The following SCUBE3 variants were observed in gnomAD, a reference collection of about 807,000 sequenced individuals.
SCUBE3 encodes signal peptide, CUB and EGF-like domain-containing protein 3.
Under a neutral mutation model 116.8 loss-of-function variants are expected in SCUBE3, and 33 were observed. The ratio of observed to expected loss-of-function variants is 0.28; its 90% CI spans 0.21 to 0.38. SCUBE3 has a LOEUF of 0.38. Among genes scored for constraint, SCUBE3 ranks in the 10% least tolerant of loss-of-function variants. The probability of loss-of-function intolerance (pLI) is 1.00; values close to 1 mark genes in which losing one functional copy is unlikely to be tolerated. For missense variants in SCUBE3, 1,007 were observed against 1,324.8 expected (o/e 0.76, Z 3.72); for synonymous variants, 418 against 496.9 (o/e 0.84, Z 2.11).
rs960214535 is a variant in SCUBE3, at chr6:35,243,853, C to T, written c.2071+98C>T. 2.7e-5 allele frequency: 41 copies of T among 1,534,704 alleles called. No homozygotes were observed. In the African/African-American group the frequency reaches 4.8e-4, roughly 18 times the overall value. On this transcript the variant is annotated intron_variant, in intron 16 of 21. Coordinates refer to ENST00000274938, the MANE Select transcript of SCUBE3 (RefSeq NM_152753.4). This position sits in a 1 kb window ranked among gnomAD's most constrained non-coding sequence, Gnocchi z 6.6. ...AAGGGCAGGCCCAGGCTCCAGGCCA[C>T]TCTCTTAGTCAACATCCTGTTTGTA...
intron 1 of SCUBE3, chr6:35,221,533 C>CT (rs1783117643): frequency 6.6e-6 from 1 of 152,228 alleles, no homozygotes; most frequent in Admixed American, 6.5e-5. Flanking sequence ...ATCCACTCGT[C>CT]TATCTGTTTA....
chr6:35,236,574 G>T (rs1014655451), intron 6 of SCUBE3, among the ~76,000 whole-genome samples: 4 of 152,194 alleles, frequency 2.6e-5, no homozygotes, highest in African/African-American at 9.7e-5. Context: ...CCCACTCCAG[G>T]TTGGGCTGTT....
Position 35,245,245 on chromosome 6 carries a change from G to T in SCUBE3, c.2419G>T (p.Glu807Ter). ...AQCKNRQCGG[E>*]LGEFTGYIES... ...GGCTGCAGATCGTCAGTGTGGTGGGGAGCTGGGTGAGTTCACTGGCTATAT... is the reference window on the plus strand; with the variant it reads ...GGCTGCAGATCGTCAGTGTGGTGGGTAGCTGGGTGAGTTCACTGGCTATAT... Residue 807 changes from glutamate to a stop codon, truncating the protein, a stop_gained, in exon 19 of 22, where the codon GAG becomes TAG. Coordinates refer to ENST00000274938, the MANE Select transcript of SCUBE3 (RefSeq NM_152753.4). LOFTEE classifies it high-confidence loss of function. This position sits in a 1 kb window ranked among gnomAD's most constrained non-coding sequence, Gnocchi z 4.2. 6.2e-7 allele frequency: 1 copy of T among 1,614,136 alleles called. No individual in the cohort carries two copies. The highest frequency in any genetic ancestry group is 1.1e-5 in the South Asian group (1 of 91,074).
At position 35,228,369 on chromosome 6, in the gene SCUBE3, T is replaced by G. The variant is rs187819097; in HGVS notation, c.209-245T>G. Reference sequence around the variant, plus strand: ...GATGGTAAAATAAATTAAAGAAATCTAAATCTCTAACAATAGAGAAAAAAA... The same window carrying G: ...GATGGTAAAATAAATTAAAGAAATCGAAATCTCTAACAATAGAGAAAAAAA... On this transcript the variant is annotated intron_variant, in intron 2 of 21. Transcript: ENST00000274938. The surrounding 1 kb of genome is among the most constrained non-coding windows in gnomAD (Gnocchi z 4.9). 2.0e-3 allele frequency among the ~76,000 whole-genome samples: 300 copies of G among 152,332 alleles called. No individual in the cohort carries two copies. The highest frequency in any genetic ancestry group is 6.9e-3 in the African/African-American group (285 of 41,558).
intron 21 of SCUBE3, among the ~76,000 whole-genome samples, chr6:35,247,170 C>A (rs1784374193): frequency 6.6e-6 from 1 of 152,002 alleles, no homozygotes; most frequent in African/African-American, 2.4e-5. Flanking sequence ...CATGGTGGAT[C>A]ATGCCTGTAA....
Position 35,214,304 on chromosome 6 carries a change from G to T in SCUBE3, c.-115G>T. 5 of 501,462 alleles carry T rather than the reference G, an allele frequency of 1.0e-5. No homozygotes were observed. The highest frequency in any genetic ancestry group is 1.5e-5 in the Non-Finnish European group (5 of 323,520). The allele number at this position is 501,462 out of a possible 1,614,324, so 31.1% of individuals were successfully genotyped here. A position where few individuals can be genotyped will look rare whatever the true frequency, so the allele number is the denominator to read the frequency against. On this transcript the variant is annotated 5_prime_UTR_variant, in exon 1 of 22. Transcript: ENST00000274938. The surrounding 1 kb of genome is among the most constrained non-coding windows in gnomAD (Gnocchi z 6.3). ...CCCCGCGACTGCAGCCCCCGGCCTG[G>T]CCCCGGCGGGGCGCCCCCTCCCCTC...
At chr6:35,247,322 C>T (rs1385922538) in intron 21 of SCUBE3, among the ~76,000 whole-genome samples, 2 of 151,588 alleles carry the variant, frequency 1.3e-5, no homozygotes, top group Non-Finnish European at 2.9e-5. Context: ...CCTGCAATCC[C>T]AGCTACTCGG....
Position 35,248,614 on chromosome 6 carries a change from A to C in SCUBE3, c.2891A>C (p.Lys964Thr), listed in dbSNP as rs1343364263. 6.2e-7 allele frequency: 1 copy of C among 1,614,048 alleles called. No individual in the cohort carries two copies. Among genetic ancestry groups the C allele is most frequent in the Non-Finnish European group, 8.5e-7 (1 of 1,179,928 alleles). ...CTAGCCCACCCCCAGAACTACTTCA[A>C]GTACACAGAGAAACACAAGGAGATG... ...EVLAHPQNYF[K>T]YTEKHKEMLP... Residue 964 changes from lysine (K) to threonine (T), a missense_variant, in exon 22 of 22, where the codon AAG (lysine) becomes ACG (threonine). Coordinates refer to ENST00000274938, the MANE Select transcript of SCUBE3 (RefSeq NM_152753.4).
rs1562044702 is a variant in SCUBE3, at chr6:35,226,479, C to CTTTTTTTTTTTTTTTTTTTTTTTTTTTTT, written c.86-1101_86-1100insTTTTTTTTTTTTTTTTTTTTTTTTTTTTT. Among the ~76,000 whole-genome samples, 3 of 52,188 alleles carry CTTTTTTTTTTTTTTTTTTTTTTTTTTTTT rather than the reference C, an allele frequency of 5.7e-5. 1 individual carries two copies. The highest frequency in any genetic ancestry group is 1.6e-4 in the African/African-American group (3 of 18,332). 34.2% of individuals were successfully genotyped at this position (52,188 alleles called of 152,430 possible). Reference sequence around the variant, plus strand: ...TCAGAAGTTGGACTCTTTTCTATGTCCTTTTTTTTTTTTTTTTTTTTTTGA... The same window carrying CTTTTTTTTTTTTTTTTTTTTTTTTTTTTT: ...TCAGAAGTTGGACTCTTTTCTATGTCTTTTTTTTTTTTTTTTTTTTTTTTTTTTTCTTTTTTTTTTTTTTTTTTTTTTGA... On this transcript the variant is annotated intron_variant, in intron 1 of 21. Coordinates refer to ENST00000274938, the MANE Select transcript of SCUBE3 (RefSeq NM_152753.4).
rs1449192165 is a variant in SCUBE3 at position 35,246,054 on chromosome 6, A to G, written c.2710A>G (p.Asn904Asp). ...GATCAACTTCAAGACAAGCGAGGCC[A>G]ACAGCGCCCGTGGCTTCCAGATTCC... ...LWINFKTSEA[N>D]SARGFQIPYV... The change falls in exon 20 of 22, where the codon AAC becomes GAC. Residue 904 changes from asparagine to aspartate, a missense_variant. By Grantham distance (23) the Asn-to-Asp change is conservative. This residue lies in a region of SCUBE3 where 118 missense variants were observed against 196.6 expected (regional missense o/e 0.60). Coordinates refer to ENST00000274938, the MANE Select transcript of SCUBE3 (RefSeq NM_152753.4). 6.2e-7 allele frequency: 1 copy of G among 1,614,154 alleles called. No homozygotes were observed.
Position 35,214,285 on chromosome 6 carries a change from G to T in SCUBE3, c.-134G>T. 2.5e-6 allele frequency: 1 copy of T among 394,896 alleles called. No individual in the cohort carries two copies. The highest frequency in any genetic ancestry group is 4.2e-6 in the Non-Finnish European group (1 of 235,632). The allele number at this position is 394,896 out of a possible 1,614,324, so 24.5% of individuals were successfully genotyped here. ...GAGGGCGCCGCGGTCCGCGCCCCGC[G>T]ACTGCAGCCCCCGGCCTGGCCCCGG... On this transcript the variant is annotated 5_prime_UTR_variant, in exon 1 of 22. Transcript: ENST00000274938. The surrounding 1 kb of genome is among the most constrained non-coding windows in gnomAD (Gnocchi z 6.3).
Position 35,242,690 on chromosome 6 carries a change from A to C in SCUBE3, c.1603A>C (p.Lys535Gln). ...HLKCDSSRKGKGRRARTPPGK... is the reference protein window; with the variant it reads ...HLKCDSSRKGQGRRARTPPGK... ...TAAGTGTGACTCCTCTCGGAAGGGC[A>C]AGGGCCGACGGGCCCGGACCCCTCC... The change falls in exon 14 of 22, where the codon AAG becomes CAG. Residue 535 changes from lysine (K) to glutamine (Q), a missense_variant. Lys to Gln is a moderately conservative substitution (Grantham distance 53). Coordinates refer to ENST00000274938, the MANE Select transcript of SCUBE3 (RefSeq NM_152753.4). The C allele has an allele frequency of 7.4e-6, 12 of 1,614,158 alleles. No individual in the cohort carries two copies. The highest frequency in any genetic ancestry group is 1.0e-5 in the Non-Finnish European group (12 of 1,179,980).
Position 35,233,122 on chromosome 6 carries a change from T to C in SCUBE3, c.596-63T>C. 1 of 1,479,540 alleles carries C rather than the reference T, an allele frequency of 6.8e-7. No homozygotes were observed. The highest frequency in any genetic ancestry group is 1.2e-5 in the South Asian group (1 of 85,780). 91.7% of individuals were successfully genotyped at this position (1,479,540 alleles called of 1,614,324 possible). A position where few individuals can be genotyped will look rare whatever the true frequency, so the allele number is the denominator to read the frequency against. On this transcript the variant is annotated intron_variant, in intron 5 of 21. Coordinates refer to ENST00000274938, the MANE Select transcript of SCUBE3 (RefSeq NM_152753.4). The surrounding 1 kb of genome is among the most constrained non-coding windows in gnomAD (Gnocchi z 5.7). ...CTAGGCAAGGGGGCCAGTACCCACATTGTGGAAAACTGTGGATGCAGGGAG... is the reference window on the plus strand; with the variant it reads ...CTAGGCAAGGGGGCCAGTACCCACACTGTGGAAAACTGTGGATGCAGGGAG...
In SCUBE3 at chr6:35,246,107, G is replaced by T. The variant is rs1327334796; in HGVS notation, c.2752+11G>T. On this transcript the variant is annotated intron_variant, in intron 20 of 21. Coordinates refer to ENST00000274938, the MANE Select transcript of SCUBE3 (RefSeq NM_152753.4). ...ATGTTACCTATGATGGTAAGCCAAG[G>T]AGGTGGGTGAGAAGGGGAGGTATGT... The T allele has an allele frequency of 6.2e-7, 1 of 1,614,060 alleles. No homozygotes were observed. The highest frequency in any genetic ancestry group is 1.1e-5 in the South Asian group (1 of 91,086).
rs536741966 is a variant in SCUBE3, at chr6:35,239,093, C to T, written c.830-659C>T. On this transcript the variant is annotated intron_variant, in intron 7 of 21. Coordinates refer to ENST00000274938, the MANE Select transcript of SCUBE3 (RefSeq NM_152753.4). This position sits in a 1 kb window ranked among gnomAD's most constrained non-coding sequence, Gnocchi z 4.1. ...CAGGAAGGAAGCCATTCACCAGCCC[C>T]CCTTTCCCTTACTAGTGCTGAAAGC... Among the ~76,000 whole-genome samples the T allele has an allele frequency of 2.0e-5, 3 of 152,234 alleles. No homozygotes were observed. The highest frequency in any genetic ancestry group is 7.2e-5 in the African/African-American group (3 of 41,528).
At chr6:35,220,286 C>A (rs924712202) in intron 1 of SCUBE3, 3 of 152,178 alleles carry the variant, frequency 2.0e-5, no homozygotes, top group African/African-American at 7.2e-5. Flanking sequence ...CTGAGGTATC[C>A]TCACTGGGCC....
At position 35,239,466 on chromosome 6, in the gene SCUBE3, C is replaced by G. The variant is rs1469229885; in HGVS notation, c.830-286C>G. ...CTCCTCTAGGTAATTCCCTGAGGGC[C>G]TGTTCCTAGTTTTGGTTCCAATTTG... On this transcript the variant is annotated intron_variant, in intron 7 of 21. Coordinates refer to ENST00000274938, the MANE Select transcript of SCUBE3 (RefSeq NM_152753.4). The surrounding 1 kb of genome is among the most constrained non-coding windows in gnomAD (Gnocchi z 4.1). 1.3e-5 allele frequency among the ~76,000 whole-genome samples: 2 copies of G among 152,322 alleles called. No homozygotes were observed. The highest frequency in any genetic ancestry group is 2.9e-5 in the Non-Finnish European group (2 of 68,040).
In SCUBE3 at chr6:35,233,623, T is replaced by G. The variant is rs191327077; in HGVS notation, c.712+322T>G. On this transcript the variant is annotated intron_variant, in intron 6 of 21. Coordinates refer to ENST00000274938, the MANE Select transcript of SCUBE3 (RefSeq NM_152753.4). The surrounding 1 kb of genome is among the most constrained non-coding windows in gnomAD (Gnocchi z 5.7). ...GTTGCTTATTGACCAAGGCTGTAGT[T>G]GAGAAGTGGGAAGAGATCTGGGGAA... 6.6e-6 allele frequency among the ~76,000 whole-genome samples: 1 copy of G among 152,288 alleles called. No homozygotes were observed. Among genetic ancestry groups the G allele is most frequent in the East Asian group, 1.9e-4 (1 of 5,192 alleles).
chr6:35,215,353 C>T (rs1318248895), intron 1 of SCUBE3, among the ~76,000 whole-genome samples: 4 of 152,188 alleles, frequency 2.6e-5, no homozygotes, highest in Non-Finnish European at 5.9e-5. Flanking sequence ...CAAGGCTGTG[C>T]AGGCAGAGAC....
Sources: allele counts gnomAD v4.1 joint callset (sites outside exome capture counted in the v4.1 genomes callset), GRCh38; gene constraint gnomAD v4.1.1; regional missense constraint gnomAD v4.1.1; non-coding constraint Gnocchi (gnomAD v3.1); transcripts MANE v1.5; gene names NCBI Gene and HGNC (gene_info 2026-07-23, HGNC 2026-07-21).